AGXT2: variants seen among roughly 807,000 people sequenced by gnomAD.
AGXT2 encodes alanine--glyoxylate aminotransferase 2, also known as alanine--glyoxylate aminotransferase 2, mitochondrial.
A neutral mutation model predicts 62.5 loss-of-function variants in AGXT2; 61 were observed. That is an observed-to-expected ratio of 0.98 (90% CI 0.79 to 1.21). AGXT2 has a LOEUF of 1.21. AGXT2 is among the 50% of genes most tolerant of loss of function. The pLI is 0.00. For synonymous variants in AGXT2, 243 were observed against 218.7 expected, an observed-to-expected ratio of 1.11 and a Z score of -0.98; for missense variants, 666 against 641.5, an observed-to-expected ratio of 1.04 and a Z score of -0.41.
At chr5:35,006,842 G>A (rs1216531584) in intron 12 of AGXT2, among the ~76,000 whole-genome samples, 1 of 152,140 alleles carries the variant, frequency 6.6e-6, no homozygotes, top group Non-Finnish European at 1.5e-5. Flanking sequence ...ATAACTATGC[G>A]ACTGTGGTTT....
chr5:35,047,843 G>A lies in AGXT2; in HGVS notation c.50C>T (p.Ser17Phe), dbSNP rs1218843971. The A allele has an allele frequency of 1.2e-6, 2 of 1,613,958 alleles. No homozygotes were observed. Among genetic ancestry groups the A allele is most frequent in the Admixed American group, 1.7e-5 (1 of 59,986 alleles). ...HLLRPLCLVT[S>F]APRILEMHPF... ...ATGCATCTCAAGGATCCTGGGAGCG[G>A]AAGTGACCAGGCACAAGGGTCTCAG... Residue 17 changes from serine (S) to phenylalanine (F), a missense_variant, in exon 1 of 14, where the codon TCC becomes TTC. Physicochemically the swap from Ser to Phe is radical, Grantham distance 155. Transcript: ENST00000231420.
At chr5:35,032,696 C>T in intron 7 of AGXT2, 36 bp downstream of exon 7, 2 of 1,547,974 alleles carry the variant, frequency 1.3e-6, no homozygotes, top group South Asian at 1.2e-5. Flanking sequence ...TTCCAACTTC[C>T]AACACTCCAC....
At chr5:35,033,360 C>T (rs1767640892) in intron 6 of AGXT2, 100 bp downstream of exon 6, 1 of 953,346 alleles carries the variant, frequency 1.0e-6, no homozygotes, top group East Asian at 2.5e-5. Flanking sequence ...TAATGACAGG[C>T]TTTATATTAG....
At position 34,998,500 on chromosome 5, in the gene AGXT2, T is replaced by C; in HGVS notation, c.*219A>G. ...CATAAACTAATTAGGATTTATTCTC[T>C]GAGCTAGGGAGATCCTTTCCCTGAA... On this transcript the variant is annotated 3_prime_UTR_variant, in exon 14 of 14. Transcript: ENST00000231420. 1 of 596,586 alleles carries C rather than the reference T, an allele frequency of 1.7e-6. No individual in the cohort carries two copies. Among genetic ancestry groups the C allele is most frequent in the Non-Finnish European group, 3.0e-6 (1 of 336,628 alleles). The allele number at this position is 596,586 out of a possible 1,614,324, so 37.0% of individuals were successfully genotyped here. A position where few individuals can be genotyped will look rare whatever the true frequency, so the allele number is the denominator to read the frequency against.
At chr5:35,005,203 G>C (rs1003887103) in intron 12 of AGXT2, among the ~76,000 whole-genome samples, 4 of 151,970 alleles carry the variant, frequency 2.6e-5, no homozygotes, top group South Asian at 4.2e-4. Flanking sequence ...GGTTGGGTTG[G>C]GGGGGTCAGT....
chr5:35,007,189 A>T (rs1216699416), intron 12 of AGXT2, among the ~76,000 whole-genome samples: 2 of 152,220 alleles, frequency 1.3e-5, no homozygotes, highest in Non-Finnish European at 2.9e-5. Context: ...GTGAGGGCAC[A>T]GCAAGAAGGC....
In AGXT2 at chr5:35,040,630, C is replaced by A. The variant is rs751566181; in HGVS notation, c.122G>T (p.Ser41Ile). 1 of 1,613,958 alleles carries A rather than the reference C, an allele frequency of 6.2e-7. No homozygotes were observed. Among genetic ancestry groups the A allele is most frequent in the Non-Finnish European group, 8.5e-7 (1 of 1,179,858 alleles). Reference protein sequence around the residue: ...GTSRTSVTKLSLHTKPRMPPC... With the variant: ...GTSRTSVTKLILHTKPRMPPC... ...AGGCATTCTGGGCTTTGTATGAAGA[C>A]TGAGCTTGGTTACTGATGTCCGGGA... The change falls in exon 2 of 14, where the codon AGT (serine) becomes ATT (isoleucine). Residue 41 changes from serine (S) to isoleucine (I), a missense_variant. Coordinates refer to ENST00000231420, the MANE Select transcript of AGXT2 (RefSeq NM_031900.4).
Position 35,014,580 on chromosome 5 carries a change from C to T in AGXT2, c.964-461G>A, listed in dbSNP as rs372795201. Among the ~76,000 whole-genome samples the T allele has an allele frequency of 2.6e-4, 39 of 151,980 alleles. 1 individual carries two copies. Among genetic ancestry groups the T allele is most frequent in the African/African-American group, 7.0e-4 (29 of 41,442 alleles). ...GCATCCTGTAGTATCATGGACAAAG[C>T]GCTTAATTTGTGCCTGAGCTATTAG... is the stretch of plus-strand genomic sequence containing the variant. On this transcript the variant is annotated intron_variant, in intron 9 of 13. Coordinates refer to ENST00000231420, the MANE Select transcript of AGXT2 (RefSeq NM_031900.4).
chr5:35,016,118 C>T (rs1187792402), intron 9 of AGXT2, among the ~76,000 whole-genome samples: 1 of 152,060 alleles, frequency 6.6e-6, no homozygotes, highest in Non-Finnish European at 1.5e-5. Context: ...ACGAGGAGCT[C>T]GTGGAAAATC....
intron 9 of AGXT2, among the ~76,000 whole-genome samples, chr5:35,018,189 C>G (rs1766925400): frequency 6.6e-6 from 1 of 152,154 alleles, no homozygotes; most frequent in Admixed American, 6.5e-5. Flanking sequence ...TCTAGCAAGG[C>G]AGGCCAACAT....
At chr5:35,043,779 C>G (rs1016012728) in intron 1 of AGXT2, among the ~76,000 whole-genome samples, 4 of 152,192 alleles carry the variant, frequency 2.6e-5, no homozygotes, top group Non-Finnish European at 5.9e-5. Context: ...CAACCTCTAC[C>G]TCTCAGGCTC....
rs529653742 is a variant in AGXT2, at chr5:34,998,807, G to A, written c.1457C>T (p.Ser486Leu). 36 of 1,613,652 alleles carry A rather than the reference G, an allele frequency of 2.2e-5. No individual in the cohort carries two copies. The African/African-American group carries it at 2.8e-4, about 13-fold the overall frequency. Residue 486 changes from serine (S) to leucine (L), a missense_variant, in exon 14 of 14, where the codon TCA (serine) becomes TTA (leucine). Coordinates refer to ENST00000231420, the MANE Select transcript of AGXT2 (RefSeq NM_031900.4). ...IFSQTFRIAP[S>L]MCITKPEVDF... ...AACTTCTGGTTTAGTGATGCACATT[G>A]AGGGCGCAATGCGAAATGTCTGAGG... is the stretch of plus-strand genomic sequence containing the variant.
chr5:35,038,647 T>A (rs1376454435), intron 3 of AGXT2, among the ~76,000 whole-genome samples: 2 of 152,150 alleles, frequency 1.3e-5, no homozygotes, highest in Non-Finnish European at 2.9e-5. Flanking sequence ...TTCAGTTTAT[T>A]TTAGACTTGC....
chr5:35,026,316 C>G, intron 8 of AGXT2, 94 bp downstream of exon 8: 1 of 1,039,748 alleles, frequency 9.6e-7, no homozygotes, highest in Non-Finnish European at 1.5e-6. Context: ...ACAGTGAGCA[C>G]TTAATTCATT....
chr5:35,002,189 A>G (rs140741784), intron 13 of AGXT2, among the ~76,000 whole-genome samples: 165 of 143,036 alleles, frequency 1.2e-3, no homozygotes, highest in African/African-American at 3.9e-3. Context: ...TGTACAGAAA[A>G]ATATTTATGA....
chr5:34,999,571 T>G (rs1453217583), intron 13 of AGXT2, among the ~76,000 whole-genome samples: 2 of 152,148 alleles, frequency 1.3e-5, no homozygotes, highest in South Asian at 2.1e-4. Context: ...CTAGGCTGAG[T>G]GATGCCGCTA....
chr5:35,040,527 C>T, intron 2 of AGXT2, 48 bp downstream of exon 2: 1 of 1,545,136 alleles, frequency 6.5e-7, no homozygotes, highest in Non-Finnish European at 8.9e-7. Flanking sequence ...TTTGAGACCT[C>T]CCCAGAGAAA....
intron 9 of AGXT2, among the ~76,000 whole-genome samples, chr5:35,016,786 T>C (rs1252564362): frequency 6.6e-6 from 1 of 152,196 alleles, no homozygotes; most frequent in Non-Finnish European, 1.5e-5. Context: ...CCATAAACCA[T>C]GTTTAGTCAC....
At position 35,044,403 on chromosome 5, in the gene AGXT2, G is replaced by A. The variant is rs1422919812; in HGVS notation, c.88+3402C>T. On this transcript the variant is annotated intron_variant, in intron 1 of 13. Coordinates refer to ENST00000231420, the MANE Select transcript of AGXT2 (RefSeq NM_031900.4). ...CTGAGGACCCTCACCATTGCTGTTC[G>A]GTATCATCCGCTCCGGACATGATCT... is the stretch of plus-strand genomic sequence containing the variant. Among the ~76,000 whole-genome samples, 5 of 152,182 alleles carry A rather than the reference G, an allele frequency of 3.3e-5. 1 individual carries two copies. Among genetic ancestry groups the A allele is most frequent in the South Asian group, 4.1e-4 (2 of 4,824 alleles).
Sources: allele counts gnomAD v4.1 joint callset (sites outside exome capture counted in the v4.1 genomes callset), GRCh38; gene constraint gnomAD v4.1.1; transcripts MANE v1.5; gene names NCBI Gene and HGNC (gene_info 2026-07-23, HGNC 2026-07-21).